SLC41A3: variants seen among roughly 807,000 people sequenced by gnomAD.
The protein encoded by SLC41A3 is SLC41A1-like 2.
Under a neutral mutation model 45.4 loss-of-function variants are expected in SLC41A3, and 44 were observed. That is an observed-to-expected ratio of 0.97 (90% CI 0.76 to 1.25). The LOEUF is 1.25. Among genes scored for constraint, SLC41A3 ranks in the 50% most tolerant of loss-of-function variants. The pLI is 0.00. For synonymous variants in SLC41A3, 256 were observed against 252.4 expected (o/e 1.01, Z -0.13); for missense variants, 550 against 600.6 (o/e 0.92, Z 0.88).
intron 2 of SLC41A3, chr3:126,056,861 C>T: frequency 8.4e-7 from 1 of 1,191,420 alleles, no homozygotes; most frequent in South Asian, 2.5e-5. Flanking sequence ...GCCGGGACCT[C>T]CCTCTGCCAG....
intron 1 of SLC41A3, among the ~76,000 whole-genome samples, chr3:126,090,090 A>C (rs1576386094): frequency 4.6e-5 from 6 of 130,972 alleles, no homozygotes; most frequent in Admixed American, 4.3e-4. Flanking sequence ...AAGCAAATGT[A>C]CCTTTCTCTC....
intron 1 of SLC41A3, among the ~76,000 whole-genome samples, chr3:126,093,356 T>G (rs1038416546): frequency 6.6e-6 from 1 of 152,246 alleles, no homozygotes; most frequent in Non-Finnish European, 1.5e-5. Context: ...GGAACCCGAT[T>G]TTGGGAAATG....
rs534974571 is a variant in SLC41A3, at chr3:126,055,500, C to A, written c.274-4450G>T. On this transcript the variant is annotated intron_variant, in intron 2 of 10. Transcript: ENST00000360370. ...TTGCATTCCAGCCTGGGCGACAGGG[C>A]AAGACTCTGTCTCAAAAAAACAAAA... Among the ~76,000 whole-genome samples, 8 of 152,092 alleles carry A rather than the reference C, an allele frequency of 5.3e-5. No homozygotes were observed. In the East Asian group the frequency reaches 1.4e-3, roughly 26 times the overall value.
intron 2 of SLC41A3, among the ~76,000 whole-genome samples, chr3:126,061,032 G>A (rs1281124183): frequency 6.6e-6 from 1 of 152,224 alleles, no homozygotes; most frequent in Non-Finnish European, 1.5e-5. Flanking sequence ...GTTTTTAGGG[G>A]AGGGTCCACA....
chr3:126,056,491 C>A (rs1180431964), intron 2 of SLC41A3: 1 of 1,614,086 alleles, frequency 6.2e-7, no homozygotes, highest in Non-Finnish European at 8.5e-7. Context: ...AAGCTCACAG[C>A]TGAAGCCTCG....
rs375275722 is a variant in SLC41A3 at position 126,007,460 on chromosome 3, C to T, written c.1255-235G>A. Among the ~76,000 whole-genome samples the T allele has an allele frequency of 3.9e-5, 6 of 152,216 alleles. No individual in the cohort carries two copies. In the East Asian group the frequency reaches 5.8e-4, roughly 15 times the overall value. Reference sequence around the variant, plus strand: ...TCCCTCTAGTGGGCCCAGCTTCTGGCACCCTGAAGGGCCAATCAGACCCAC... The same window carrying T: ...TCCCTCTAGTGGGCCCAGCTTCTGGTACCCTGAAGGGCCAATCAGACCCAC... On this transcript the variant is annotated intron_variant, in intron 10 of 10. Transcript: ENST00000360370.
Position 126,044,895 on chromosome 3 carries a change from C to CAAAAAAAAAAAAAAAAAAAAAAAA in SLC41A3, c.381+6024_381+6047dup, listed in dbSNP as rs57581225. ...TGGGCGACAGAGCGAGACTCCATCT[C>CAAAAAAAAAAAAAAAAAAAAAAAA]AAAAAAAAAAAAAAAAAAAAAAAAA... On this transcript the variant is annotated intron_variant, in intron 3 of 10. Transcript: ENST00000360370. Among the ~76,000 whole-genome samples, 4 of 82,720 alleles carry CAAAAAAAAAAAAAAAAAAAAAAAA rather than the reference C, an allele frequency of 4.8e-5. 2 individuals carry two copies. Among genetic ancestry groups the CAAAAAAAAAAAAAAAAAAAAAAAA allele is most frequent in the African/African-American group, 1.2e-4 (2 of 16,536 alleles). The allele number at this position is 82,720 out of a possible 152,430, so 54.3% of individuals were successfully genotyped here.
At chr3:126,056,776 C>T in intron 2 of SLC41A3, 1 of 1,374,292 alleles carries the variant, frequency 7.3e-7, no homozygotes, top group Non-Finnish European at 9.4e-7. Context: ...CTCACGGCCT[C>T]ATTACAGAGA....
At chr3:126,059,480 CTG>C (rs1381420815) in intron 2 of SLC41A3, among the ~76,000 whole-genome samples, 2 of 152,074 alleles carry the variant, frequency 1.3e-5, no homozygotes, top group South Asian at 2.1e-4. Context: ...GTGCAGCACT[CTG>C]TATTTCTCAG....
chr3:126,016,509 C>T (rs1940298173), intron 7 of SLC41A3, among the ~76,000 whole-genome samples: 1 of 152,224 alleles, frequency 6.6e-6, no homozygotes, highest in African/African-American at 2.4e-5. Flanking sequence ...CAAATGTAAA[C>T]AGGGCAGCCT....
At chr3:126,038,859 G>A (rs1400680323) in intron 3 of SLC41A3, among the ~76,000 whole-genome samples, 1 of 152,212 alleles carries the variant, frequency 6.6e-6, no homozygotes, top group African/African-American at 2.4e-5. Context: ...GATCCCCAGT[G>A]TTGGAGGTGG....
At chr3:126,064,500 G>A (rs780157480) in intron 2 of SLC41A3, among the ~76,000 whole-genome samples, 1 of 152,056 alleles carries the variant, frequency 6.6e-6, no homozygotes. Flanking sequence ...ACAAATTGCC[G>A]TGGTCCTCAC....
chr3:126,056,896 T>C, intron 2 of SLC41A3: 1 of 1,134,022 alleles, frequency 8.8e-7, no homozygotes, highest in Non-Finnish European at 1.1e-6. Context: ...TCATGGTCCC[T>C]CTGCACCGGC....
At chr3:126,044,629 C>T (rs1942824336) in intron 3 of SLC41A3, among the ~76,000 whole-genome samples, 1 of 152,114 alleles carries the variant, frequency 6.6e-6, no homozygotes, top group Non-Finnish European at 1.5e-5. Flanking sequence ...GGCGCAGTGG[C>T]TCACGCCTGT....
chr3:126,022,997 C>A (rs981207297), intron 5 of SLC41A3, 65 bp from the exon 6 acceptor site: 25 of 1,596,170 alleles, frequency 1.6e-5, no homozygotes, highest in Non-Finnish European at 2.1e-5. Flanking sequence ...TCTGAGCAGG[C>A]ACAGCAGCAC....
At chr3:126,071,106 C>T (rs1336922677) in intron 1 of SLC41A3, among the ~76,000 whole-genome samples, 1 of 152,104 alleles carries the variant, frequency 6.6e-6, no homozygotes, top group Non-Finnish European at 1.5e-5. Context: ...AGACATTAGA[C>T]AGACAGAAAA....
intron 1 of SLC41A3, among the ~76,000 whole-genome samples, chr3:126,089,348 A>G (rs953468591): frequency 9.9e-5 from 15 of 152,252 alleles, no homozygotes; most frequent in Admixed American, 4.6e-4. Context: ...GGACCAGGAC[A>G]TAAAAACATA....
intron 1 of SLC41A3, among the ~76,000 whole-genome samples, chr3:126,098,870 G>A (rs1173289539): frequency 6.6e-6 from 1 of 151,856 alleles, no homozygotes; most frequent in Non-Finnish European, 1.5e-5. Flanking sequence ...GTGGTGGGCT[G>A]GCCAAGCCCT....
chr3:126,100,820 G>C (rs539836172), intron 1 of SLC41A3, among the ~76,000 whole-genome samples: 2 of 152,298 alleles, frequency 1.3e-5, no homozygotes, highest in South Asian at 4.1e-4. Flanking sequence ...CAGTTTCACA[G>C]CCTGCAGTCT....
Sources: gnomAD v4.1 joint callset for allele counts (sites outside exome capture counted in the v4.1 genomes callset) on GRCh38, gnomAD v4.1.1 for gene constraint, MANE v1.5 for transcripts, NCBI Gene and HGNC (gene_info 2026-07-23, HGNC 2026-07-21) for gene names.